Variants in PDZD2 observed in about 807,000 individuals in gnomAD.
PDZD2 encodes PDZ domain containing 2.
A neutral mutation model predicts 220.7 loss-of-function variants in PDZD2; 90 were observed. That is an observed-to-expected ratio of 0.41 (90% CI 0.34 to 0.49). PDZD2 has a LOEUF of 0.49. Among genes scored for constraint, PDZD2 ranks in the 20% least tolerant of loss-of-function variants. The pLI is 0.28. For missense variants in PDZD2, 3,174 were observed against 3,608.5 expected, an observed-to-expected ratio of 0.88 and a Z score of 3.08; for synonymous variants, 1,375 against 1,450.5, an observed-to-expected ratio of 0.95 and a Z score of 1.18.
intron 1 of PDZD2, among the ~76,000 whole-genome samples, chr5:31,762,557 G>A (rs753154335): frequency 6.6e-6 from 1 of 152,166 alleles, no homozygotes; most frequent in Non-Finnish European, 1.5e-5. Flanking sequence ...CAAAGTGCTG[G>A]GATTACAGGC....
chr5:31,698,998 CT>C (rs1414374054), intron 1 of PDZD2, among the ~76,000 whole-genome samples: 1 of 152,132 alleles, frequency 6.6e-6, no homozygotes, highest in Non-Finnish European at 1.5e-5. Flanking sequence ...CATGAACCTG[CT>C]TTGGGGTTTG....
chr5:31,689,338 T>TAC (rs1747010507), intron 1 of PDZD2, among the ~76,000 whole-genome samples: 4 of 45,408 alleles, frequency 8.8e-5, no homozygotes, highest in African/African-American at 6.9e-4. Context: ...TACATATACA[T>TAC]ATATATATAT....
At chr5:31,737,360 G>C (rs1025238021) in intron 1 of PDZD2, among the ~76,000 whole-genome samples, 4 of 147,170 alleles carry the variant, frequency 2.7e-5, no homozygotes, top group African/African-American at 9.7e-5. Flanking sequence ...TTTTAGTAGA[G>C]ATGGGGTTTC....
At chr5:31,832,726 G>GA (rs1192391030) in intron 2 of PDZD2, among the ~76,000 whole-genome samples, 2 of 152,146 alleles carry the variant, frequency 1.3e-5, no homozygotes, top group African/African-American at 4.8e-5. Flanking sequence ...TGAGGCAGGA[G>GA]AATCACTTGA....
At position 32,041,173 on chromosome 5, in the gene PDZD2, AAGTGGGGAGCG is replaced by A. The variant is rs1157373793; in HGVS notation, c.1519+3832_1519+3842del. 6.1e-4 allele frequency among the ~76,000 whole-genome samples: 84 copies of A among 138,030 alleles called. 3 individuals carry two copies. Among genetic ancestry groups the A allele is most frequent in the South Asian group, 9.7e-4 (4 of 4,108 alleles). The allele number at this position is 138,030 out of a possible 152,430, so 90.6% of individuals were successfully genotyped here. ...CCTCTGCCCGGCCGCCCCGTCTGGGAAGTGGGGAGCGCCTCTGCCCGGCCGCCCCGTCTGGG... is the reference window on the plus strand; with the variant it reads ...CCTCTGCCCGGCCGCCCCGTCTGGGACCTCTGCCCGGCCGCCCCGTCTGGG... On this transcript the variant is annotated intron_variant, in intron 7 of 24. Coordinates refer to ENST00000438447, the MANE Select transcript of PDZD2 (RefSeq NM_178140.4).
intron 2 of PDZD2, among the ~76,000 whole-genome samples, chr5:31,880,757 A>G (rs887981619): frequency 1.9e-4 from 28 of 146,982 alleles, no homozygotes; most frequent in Admixed American, 6.8e-5. Flanking sequence ...ATAACCTCAG[A>G]CACAGAGTAG....
At chr5:32,053,254 G>A (rs1486877156) in intron 9 of PDZD2, among the ~76,000 whole-genome samples, 2 of 152,190 alleles carry the variant, frequency 1.3e-5, no homozygotes, top group African/African-American at 4.8e-5. Context: ...GCTTCAGGGA[G>A]TACCCTTGGT....
chr5:31,985,664 A>T (rs1263403893), intron 3 of PDZD2, among the ~76,000 whole-genome samples: 1 of 152,154 alleles, frequency 6.6e-6, no homozygotes, highest in Non-Finnish European at 1.5e-5. Context: ...ACCACCCTTC[A>T]TCCTGGTCAA....
intron 6 of PDZD2, among the ~76,000 whole-genome samples, chr5:32,032,852 T>C (rs1713346947): frequency 6.6e-6 from 1 of 152,180 alleles, no homozygotes; most frequent in Non-Finnish European, 1.5e-5. Flanking sequence ...TGTGCCCAGG[T>C]AGCTGGCCGG....
In PDZD2 at chr5:32,108,649, TACCCTGAA is replaced by T. The variant is rs1745046775; in HGVS notation, c.*516_*523del. 1 of 152,696 alleles carries T rather than the reference TACCCTGAA, an allele frequency of 6.5e-6. No individual in the cohort carries two copies. The highest frequency in any genetic ancestry group is 1.5e-5 in the Non-Finnish European group (1 of 68,088). The allele number at this position is 152,696 out of a possible 1,614,324, so 9.5% of individuals were successfully genotyped here. On this transcript the variant is annotated 3_prime_UTR_variant, in exon 25 of 25. Coordinates refer to ENST00000438447, the MANE Select transcript of PDZD2 (RefSeq NM_178140.4). ...GGAGGAGATGTAGGTCTGTATATGT[TACCCTGAA>T]AAGAGAATAAGACTTACTTAAAAAA...
intron 2 of PDZD2, among the ~76,000 whole-genome samples, chr5:31,972,072 AT>A (rs939817532): frequency 1.9e-4 from 29 of 152,266 alleles, no homozygotes; most frequent in African/African-American, 7.0e-4. Context: ...AGAATTTAAA[AT>A]TTCAACCTGA....
rs1229653892 is a variant in PDZD2, at chr5:31,988,493, TGTGGATGTATTCACCATCCTGGAAG to T, written c.978+4838_978+4862del. Among the ~76,000 whole-genome samples, 511 of 145,612 alleles carry T rather than the reference TGTGGATGTATTCACCATCCTGGAAG, an allele frequency of 3.5e-3. 3 individuals carry two copies. Among genetic ancestry groups the T allele is most frequent in the African/African-American group, 0.014 (497 of 35,632 alleles). ...TGTGGATGTATTCACCCTCCTGGCATGTGGATGTATTCACCATCCTGGAAGCTCTCCAAACCTCATACTCTAGGGA... is the reference window on the plus strand; with the variant it reads ...TGTGGATGTATTCACCCTCCTGGCATCTCTCCAAACCTCATACTCTAGGGA... On this transcript the variant is annotated intron_variant, in intron 3 of 24. Coordinates refer to ENST00000438447, the MANE Select transcript of PDZD2 (RefSeq NM_178140.4).
chr5:31,895,988 A>G (rs1235150905), intron 2 of PDZD2, among the ~76,000 whole-genome samples: 1 of 152,120 alleles, frequency 6.6e-6, no homozygotes, highest in Non-Finnish European at 1.5e-5. Flanking sequence ...ACTATGCAAT[A>G]GCGATTTGTT....
At position 32,069,574 on chromosome 5, in the gene PDZD2, C is replaced by G. The variant is rs141109438; in HGVS notation, c.2457C>G (p.Ser819=). The stretch of plus-strand genomic sequence containing the variant: ...TGCTTTCTGCTGAAAATCAGGTTTC[C>G]GAGCAGGAAATGGATGAAGTCATAG... The part of the protein sequence containing the change: ...VIGRHPNPKV[S]EQEMDEVIAR... The change falls in exon 15 of 25, where the codon TCC becomes TCG. Residue 819 remains serine (S), a synonymous_variant. Coordinates refer to ENST00000438447, the MANE Select transcript of PDZD2 (RefSeq NM_178140.4). 6.3e-7 allele frequency: 1 copy of G among 1,578,828 alleles called. No individual in the cohort carries two copies. The highest frequency in any genetic ancestry group is 1.7e-5 in the Admixed American group (1 of 59,942).
intron 1 of PDZD2, among the ~76,000 whole-genome samples, chr5:31,759,134 C>T (rs1179893309): frequency 1.3e-5 from 2 of 151,944 alleles, no homozygotes; most frequent in Non-Finnish European, 2.9e-5. Context: ...CTCCCCTTGC[C>T]GTGCCCACCC....
chr5:32,057,105 A>G (rs1027555347), intron 10 of PDZD2, among the ~76,000 whole-genome samples: 1 of 152,198 alleles, frequency 6.6e-6, no homozygotes, highest in Non-Finnish European at 1.5e-5. Flanking sequence ...GTTTCAAAAA[A>G]AAATTTTTTT....
chr5:32,095,696 T>C (rs1743601372), intron 21 of PDZD2, among the ~76,000 whole-genome samples: 1 of 151,776 alleles, frequency 6.6e-6, no homozygotes, highest in Non-Finnish European at 1.5e-5. Context: ...TAACTTGTCC[T>C]GGAATGCAGG....
At chr5:31,886,528 A>G (rs1350099616) in intron 2 of PDZD2, among the ~76,000 whole-genome samples, 2 of 151,890 alleles carry the variant, frequency 1.3e-5, no homozygotes, top group African/African-American at 2.4e-5. Context: ...GTGGGTTGTC[A>G]GGAGACCAGG....
At chr5:31,701,714 G>A (rs541406577) in intron 1 of PDZD2, among the ~76,000 whole-genome samples, 1 of 152,184 alleles carries the variant, frequency 6.6e-6, no homozygotes, top group South Asian at 2.1e-4. Context: ...TTGCATCTGG[G>A]AACGCAACTC....
Sources: allele counts gnomAD v4.1 joint callset (sites outside exome capture counted in the v4.1 genomes callset), GRCh38; gene constraint gnomAD v4.1.1; transcripts MANE v1.5; gene names NCBI Gene and HGNC (gene_info 2026-07-23, HGNC 2026-07-21).